The following PTPRZ1 variants were observed in gnomAD, a reference collection of about 807,000 sequenced individuals.
PTPRZ1 encodes the protein protein tyrosine phosphatase receptor type Z1, also known as receptor-type tyrosine-protein phosphatase zeta.
Under a neutral mutation model 214.1 loss-of-function variants are expected in PTPRZ1, and 82 were observed. The ratio of observed to expected loss-of-function variants is 0.38; its 90% confidence interval spans 0.32 to 0.46. The LOEUF (loss-of-function observed/expected upper bound fraction) is 0.46. PTPRZ1 is among the 20% of genes least tolerant of loss of function. The probability of loss-of-function intolerance (pLI) is 1.00; values close to 1 mark genes in which losing one functional copy is unlikely to be tolerated. For synonymous variants in PTPRZ1, 945 were observed against 987.9 expected (o/e 0.96, Z 0.81); for missense variants, 2,603 against 2,748.7 (o/e 0.95, Z 1.19).
At chr7:121,949,318 C>G (rs939526229) in intron 2 of PTPRZ1, among the ~76,000 whole-genome samples, 1 of 152,152 alleles carries the variant, frequency 6.6e-6, no homozygotes, top group East Asian at 1.9e-4. Flanking sequence ...AAGCAGTTCC[C>G]AGCTTGACTT....
At chr7:121,946,528 A>C (rs1453771968) in intron 2 of PTPRZ1, among the ~76,000 whole-genome samples, 1 of 152,188 alleles carries the variant, frequency 6.6e-6, no homozygotes. Flanking sequence ...AGCTCCAATA[A>C]ACAGTGGTAG....
chr7:121,937,276 G>T (rs1796113815), intron 2 of PTPRZ1, among the ~76,000 whole-genome samples: 1 of 152,182 alleles, frequency 6.6e-6, no homozygotes, highest in South Asian at 2.1e-4. Flanking sequence ...CAGTGGGCCT[G>T]TTGGAAGCCA....
chr7:122,032,237 C>A (rs1190306626), intron 15 of PTPRZ1, among the ~76,000 whole-genome samples: 1 of 152,174 alleles, frequency 6.6e-6, no homozygotes, highest in Non-Finnish European at 1.5e-5. Context: ...AAAAGCTACC[C>A]TTTGTGAACA....
chr7:121,967,955 A>C lies in PTPRZ1; in HGVS notation c.129A>C (p.Ala43=), dbSNP rs1214366872. ...VEEIGWSYTG[A]LNQKNWGKKY... is the part of the protein sequence containing the mutation. ...CTTACTCCTTCTTTTCCCTAGGAGC[A>C]CTGAATCAAAAAAATTGGGGAAAGA... The change falls in exon 3 of 30, where the codon GCA becomes GCC. Residue 43 remains alanine (A), a synonymous_variant. Transcript: ENST00000393386. 1 of 1,565,866 alleles carries C rather than the reference A, an allele frequency of 6.4e-7. No individual in the cohort carries two copies. Among genetic ancestry groups the C allele is most frequent in the South Asian group, 1.2e-5 (1 of 86,074 alleles).
chr7:121,894,568 G>A (rs1325827132), intron 1 of PTPRZ1, among the ~76,000 whole-genome samples: 2 of 151,948 alleles, frequency 1.3e-5, no homozygotes, highest in East Asian at 3.9e-4. Flanking sequence ...TCCATGCCCG[G>A]CTAATTTTTG....
intron 2 of PTPRZ1, among the ~76,000 whole-genome samples, chr7:121,964,141 T>C (rs1796967865): frequency 6.6e-6 from 1 of 152,170 alleles, no homozygotes; most frequent in South Asian, 2.1e-4. Context: ...CTCAAACTCA[T>C]AAAACAAAAG....
chr7:121,997,539 CTT>C (rs1213002414), intron 9 of PTPRZ1, among the ~76,000 whole-genome samples: 4 of 151,794 alleles, frequency 2.6e-5, no homozygotes, highest in Admixed American at 6.6e-5. Context: ...CACATTGCTC[CTT>C]GTTTGCAAAT....
chr7:121,972,752 A>G (rs1255955770), intron 4 of PTPRZ1, 60 bp downstream of exon 4: 4 of 1,282,158 alleles, frequency 3.1e-6, no homozygotes, highest in African/African-American at 1.5e-5. Context: ...GTTTTTATTT[A>G]GCATATAATT....
At position 121,911,116 on chromosome 7, in the gene PTPRZ1, A is replaced by G. The variant is rs191671782; in HGVS notation, c.59-17040A>G. ...CAAATACGAGGATTTTTGTGCTTTG[A>G]ACTATAAAAGCTCATACCTAAGAGT... On this transcript the variant is annotated intron_variant, in intron 1 of 29. Transcript: ENST00000393386. 2.9e-4 allele frequency among the ~76,000 whole-genome samples: 44 copies of G among 152,186 alleles called. No individual in the cohort carries two copies. In the East Asian group the frequency reaches 8.5e-3, roughly 29 times the overall value.
intron 1 of PTPRZ1, among the ~76,000 whole-genome samples, chr7:121,913,598 C>A (rs1795337945): frequency 6.6e-6 from 1 of 152,134 alleles, no homozygotes; most frequent in Non-Finnish European, 1.5e-5. Flanking sequence ...TAAAATGACA[C>A]TGCATTTAAC....
At chr7:121,924,737 T>C (rs937605076) in intron 1 of PTPRZ1, among the ~76,000 whole-genome samples, 8 of 152,198 alleles carry the variant, frequency 5.3e-5, no homozygotes, top group African/African-American at 1.9e-4. Context: ...TCTGATCTCC[T>C]GAAGTCACCA....
intron 8 of PTPRZ1, among the ~76,000 whole-genome samples, chr7:121,989,017 G>C (rs1797855455): frequency 6.6e-6 from 1 of 152,064 alleles, no homozygotes; most frequent in Non-Finnish European, 1.5e-5. Context: ...AGTTTCCTCT[G>C]TGACTGAAAA....
At chr7:121,943,017 A>G (rs12112823) in intron 2 of PTPRZ1, among the ~76,000 whole-genome samples, 29,630 of 152,164 alleles carry the variant, frequency 0.19, 3,055 homozygotes, top group Admixed American at 0.23. Context: ...TTACAGGTTC[A>G]TACTGAACAA....
rs1282204879 is a variant in PTPRZ1, at chr7:121,935,493, T to TTTTGTTTG, written c.124+7275_124+7282dup. Among the ~76,000 whole-genome samples, 21 of 152,092 alleles carry TTTTGTTTG rather than the reference T, an allele frequency of 1.4e-4. 1 individual carries two copies. The East Asian group carries it at 3.9e-3, about 28-fold the overall frequency. On this transcript the variant is annotated intron_variant, in intron 2 of 29. Coordinates refer to ENST00000393386, the MANE Select transcript of PTPRZ1 (RefSeq NM_002851.3). The stretch of plus-strand genomic sequence containing the variant: ...CCTCCTTTACTTCAATCTCTGTGGT[T>TTTTGTTTG]TTTGTTTGTTCGTTTGTTCGTTTGT...
At chr7:121,983,893 A>G in intron 7 of PTPRZ1, 71 bp downstream of exon 7, 2 of 1,585,986 alleles carry the variant, frequency 1.3e-6, no homozygotes, top group Non-Finnish European at 1.7e-6. Flanking sequence ...TAAGTTTGCT[A>G]TAAAATATCC....
chr7:122,003,538 T>C (rs1468573121), intron 10 of PTPRZ1, among the ~76,000 whole-genome samples: 2 of 152,212 alleles, frequency 1.3e-5, no homozygotes, highest in South Asian at 2.1e-4. Context: ...ACATTTAATG[T>C]TGGTTCAGTT....
chr7:121,874,021 T>C (rs912866527), intron 1 of PTPRZ1, among the ~76,000 whole-genome samples: 1 of 145,032 alleles, frequency 6.9e-6, no homozygotes, highest in African/African-American at 2.7e-5. Context: ...AAAGTACACG[T>C]GTCTGGTGTG....
At chr7:121,957,998 A>G (rs1796761505) in intron 2 of PTPRZ1, among the ~76,000 whole-genome samples, 1 of 151,374 alleles carries the variant, frequency 6.6e-6, no homozygotes, top group Non-Finnish European at 1.5e-5. Context: ...ATAACTTCAA[A>G]CTCTTTCTTT....
intron 3 of PTPRZ1, among the ~76,000 whole-genome samples, chr7:121,970,548 G>C (rs991818440): frequency 1.3e-5 from 2 of 152,104 alleles, no homozygotes; most frequent in Non-Finnish European, 2.9e-5. Flanking sequence ...TTCTCTGATG[G>C]CCAGTGATGG....
Sources: allele counts gnomAD v4.1 joint callset (sites outside exome capture counted in the v4.1 genomes callset), GRCh38; gene constraint gnomAD v4.1.1; transcripts MANE v1.5; gene names NCBI Gene and HGNC (gene_info 2026-07-23, HGNC 2026-07-21).